The following ADAMTSL1 variants were observed in gnomAD, a reference collection of about 807,000 sequenced individuals.
ADAMTSL1 encodes ADAMTS-like protein 1.
A neutral mutation model predicts 201.8 loss-of-function variants in ADAMTSL1; 126 were observed. The observed-to-expected ratio is 0.62, with a 90% CI of 0.54 to 0.72. ADAMTSL1 has a LOEUF of 0.72. Among genes scored for constraint, ADAMTSL1 ranks in the 30% least tolerant of loss-of-function variants. ADAMTSL1 has a pLI of 0.00. For synonymous variants in ADAMTSL1, 1,121 were observed against 903.4 expected (o/e 1.24, Z -4.32); for missense variants, 2,679 against 2,277.8 (o/e 1.18, Z -3.59).
intron 1 of ADAMTSL1, among the ~76,000 whole-genome samples, chr9:17,986,117 A>G (rs1446129236): frequency 1.3e-5 from 2 of 152,220 alleles, no homozygotes; most frequent in African/African-American, 2.4e-5. Context: ...CACAGATTTA[A>G]TTGTCCTTGG....
At chr9:18,566,019 C>G (rs1821870050) in intron 3 of ADAMTSL1, among the ~76,000 whole-genome samples, 1 of 152,000 alleles carries the variant, frequency 6.6e-6, no homozygotes, top group Non-Finnish European at 1.5e-5. Flanking sequence ...TAATATTGGC[C>G]TGTTAAATTT....
intron 20 of ADAMTSL1, chr9:18,796,814 C>A (rs1404278582): frequency 6.6e-6 from 1 of 152,228 alleles, no homozygotes; most frequent in Non-Finnish European, 1.5e-5. Context: ...TCCAGATGCT[C>A]AGCACCAATC....
chr9:18,765,724 T>C (rs1480507366), intron 16 of ADAMTSL1, among the ~76,000 whole-genome samples: 1 of 152,226 alleles, frequency 6.6e-6, no homozygotes, highest in South Asian at 2.1e-4. Flanking sequence ...AAGTTTTAAG[T>C]GAAATTCTCA....
intron 19 of ADAMTSL1, among the ~76,000 whole-genome samples, chr9:18,785,305 C>T (rs1478753389): frequency 6.6e-6 from 1 of 152,182 alleles, no homozygotes; most frequent in Non-Finnish European, 1.5e-5. Context: ...GTCAACTAGA[C>T]CCAGCATAAA....
intron 2 of ADAMTSL1, among the ~76,000 whole-genome samples, chr9:18,385,860 G>C (rs947175130): frequency 1.3e-5 from 2 of 152,158 alleles, no homozygotes; most frequent in South Asian, 4.1e-4. Context: ...AGGAGTTATA[G>C]GCAGTGGGTG....
intron 2 of ADAMTSL1, among the ~76,000 whole-genome samples, chr9:18,454,934 G>T (rs756556807): frequency 6.6e-6 from 1 of 152,044 alleles, no homozygotes; most frequent in Non-Finnish European, 1.5e-5. Flanking sequence ...ACATATGGAG[G>T]TAAAACAAAA....
At chr9:18,768,151 C>A (rs940699660) in intron 16 of ADAMTSL1, among the ~76,000 whole-genome samples, 4 of 152,208 alleles carry the variant, frequency 2.6e-5, no homozygotes, top group Non-Finnish European at 4.4e-5. Context: ...AGAGTGGAAG[C>A]TAAGAATTGA....
At chr9:18,522,417 G>T (rs1027245032) in intron 2 of ADAMTSL1, among the ~76,000 whole-genome samples, 5 of 151,958 alleles carry the variant, frequency 3.3e-5, no homozygotes, top group African/African-American at 7.3e-5. Context: ...TGAGTTTTTT[G>T]TAGAGTCTCA....
chr9:18,891,773 T>C (rs2131558249), intron 25 of ADAMTSL1, among the ~76,000 whole-genome samples: 1 of 152,332 alleles, frequency 6.6e-6, no homozygotes, highest in Middle Eastern at 3.4e-3. Context: ...CCCAGATTAC[T>C]TTCCAGGTCA....
At chr9:17,928,983 C>G (rs1826666768) in intron 1 of ADAMTSL1, among the ~76,000 whole-genome samples, 1 of 152,022 alleles carries the variant, frequency 6.6e-6, no homozygotes. Flanking sequence ...GTTATGTAGA[C>G]TTCCTGAGTG....
intron 2 of ADAMTSL1, among the ~76,000 whole-genome samples, chr9:18,267,777 A>C (rs1212104952): frequency 2.7e-5 from 4 of 147,750 alleles, no homozygotes; most frequent in Non-Finnish European, 4.5e-5. Context: ...AAAAAAAACA[A>C]AAACAAAAAC....
intron 2 of ADAMTSL1, among the ~76,000 whole-genome samples, chr9:18,438,723 G>GCAGCTAGTGAGGACCCTGCACT (rs1819862892): frequency 6.6e-6 from 1 of 152,128 alleles, no homozygotes; most frequent in Non-Finnish European, 1.5e-5. Flanking sequence ...CAACTCCTCC[G>GCAGCTAGTGAGGACCCTGCACT]CAGCTAGTGA....
intron 14 of ADAMTSL1, among the ~76,000 whole-genome samples, chr9:18,716,369 A>G (rs1416109196): frequency 6.6e-6 from 1 of 151,880 alleles, no homozygotes; most frequent in Non-Finnish European, 1.5e-5. Flanking sequence ...AGAATCTACA[A>G]TGAACTCAAA....
intron 2 of ADAMTSL1, among the ~76,000 whole-genome samples, chr9:18,507,356 G>C (rs983597912): frequency 6.6e-6 from 1 of 152,152 alleles, no homozygotes; most frequent in African/African-American, 2.4e-5. Flanking sequence ...TAATCCCTTT[G>C]GGGGTGTATT....
chr9:18,576,422 T>C (rs991149235), intron 4 of ADAMTSL1, among the ~76,000 whole-genome samples: 5 of 152,218 alleles, frequency 3.3e-5, no homozygotes, highest in Non-Finnish European at 5.9e-5. Context: ...CTCACCTTGA[T>C]AGAAAATGAC....
At chr9:18,373,415 C>T (rs1311337989) in intron 2 of ADAMTSL1, among the ~76,000 whole-genome samples, 1 of 152,126 alleles carries the variant, frequency 6.6e-6, no homozygotes, top group Admixed American at 6.5e-5. Flanking sequence ...TTATAATATT[C>T]CAGTCATCTT....
At chr9:18,727,009 C>T (rs1817935308) in intron 15 of ADAMTSL1, among the ~76,000 whole-genome samples, 3 of 152,196 alleles carry the variant, frequency 2.0e-5, no homozygotes, top group African/African-American at 7.2e-5. Flanking sequence ...AGAAACACGT[C>T]TGAAAGGTCA....
intron 2 of ADAMTSL1, among the ~76,000 whole-genome samples, chr9:18,262,715 G>C (rs1436833150): frequency 6.6e-6 from 1 of 152,192 alleles, no homozygotes; most frequent in African/African-American, 2.4e-5. Flanking sequence ...AATAGGAAAA[G>C]ACCAAGGGAA....
At chr9:18,568,130 G>A (rs112091774) in intron 3 of ADAMTSL1, among the ~76,000 whole-genome samples, 21 of 152,268 alleles carry the variant, frequency 1.4e-4, no homozygotes, top group African/African-American at 5.1e-4. Flanking sequence ...ACAGACAAGG[G>A]GGACTACTGT....
Sources: allele counts gnomAD v4.1 joint callset (sites outside exome capture counted in the v4.1 genomes callset), GRCh38; gene constraint gnomAD v4.1.1; transcripts MANE v1.5; gene names NCBI Gene and HGNC (gene_info 2026-07-23, HGNC 2026-07-21).